ATF6: variants seen among roughly 807,000 people sequenced by gnomAD.
ATF6 encodes cyclic AMP-dependent transcription factor ATF-6 alpha.
Under a neutral mutation model 83.6 loss-of-function variants are expected in ATF6, and 53 were observed. The ratio of observed to expected loss-of-function variants is 0.63; its 90% CI spans 0.51 to 0.80. The LOEUF is 0.80. ATF6 is among the 30% of genes least tolerant of loss of function. ATF6 has a pLI of 0.00. For synonymous variants in ATF6, 288 were observed against 285.8 expected (o/e 1.01, Z -0.08); for missense variants, 744 against 797.9 (o/e 0.93, Z 0.81).
chr1:161,799,627 A>G (rs912471877), intron 6 of ATF6, among the ~76,000 whole-genome samples: 1 of 152,196 alleles, frequency 6.6e-6, no homozygotes, highest in Non-Finnish European at 1.5e-5. Flanking sequence ...GGAAAACGAG[A>G]AGGTAAAAAT....
At chr1:161,808,519 A>C (rs1685360535) in intron 7 of ATF6, among the ~76,000 whole-genome samples, 1 of 152,074 alleles carries the variant, frequency 6.6e-6, no homozygotes, top group Admixed American at 6.5e-5. Flanking sequence ...TACCTTAGAG[A>C]TCTGTTCAGA....
intron 1 of ATF6, among the ~76,000 whole-genome samples, chr1:161,775,559 G>A (rs1684496149): frequency 6.6e-6 from 1 of 152,006 alleles, no homozygotes; most frequent in South Asian, 2.1e-4. Context: ...TTTGGTGGTT[G>A]GTAAACCGCT....
chr1:161,806,449 C>A (rs1364650508), intron 7 of ATF6, among the ~76,000 whole-genome samples: 1 of 152,178 alleles, frequency 6.6e-6, no homozygotes, highest in African/African-American at 2.4e-5. Context: ...TAAAATTCTA[C>A]ATCTTCCACA....
intron 15 of ATF6, among the ~76,000 whole-genome samples, chr1:161,915,929 G>C (rs1041894580): frequency 6.6e-6 from 1 of 152,068 alleles, no homozygotes; most frequent in Admixed American, 6.6e-5. Flanking sequence ...AGCCCAAAAT[G>C]TCTTAATATT....
intron 15 of ATF6, among the ~76,000 whole-genome samples, chr1:161,942,849 TTTTGTTTG>T (rs146891452): frequency 6.6e-6 from 1 of 151,608 alleles, no homozygotes; most frequent in African/African-American, 2.4e-5. Flanking sequence ...CCTCATCTTT[TTTTGTTTG>T]TTTGTTTGTT....
chr1:161,910,924 GA>G (rs1687980032), intron 14 of ATF6, among the ~76,000 whole-genome samples: 1 of 152,114 alleles, frequency 6.6e-6, no homozygotes, highest in Non-Finnish European at 1.5e-5. Flanking sequence ...TGTTCTCATG[GA>G]AATGTTGCCT....
At chr1:161,914,553 C>T (rs762370673) in intron 15 of ATF6, among the ~76,000 whole-genome samples, 5 of 152,152 alleles carry the variant, frequency 3.3e-5, no homozygotes, top group Admixed American at 1.3e-4. Flanking sequence ...GCCTCCCATC[C>T]ATATGGTCAT....
intron 15 of ATF6, among the ~76,000 whole-genome samples, chr1:161,954,390 C>T (rs1281649875): frequency 6.6e-6 from 1 of 152,178 alleles, no homozygotes; most frequent in African/African-American, 2.4e-5. Flanking sequence ...AGCAGCACTA[C>T]CTGTCACCAG....
intron 14 of ATF6, among the ~76,000 whole-genome samples, chr1:161,865,808 T>A (rs940217130): frequency 6.6e-6 from 1 of 152,220 alleles, no homozygotes; most frequent in African/African-American, 2.4e-5. Flanking sequence ...ACATCCTTTT[T>A]ATTTTTTTTG....
intron 15 of ATF6, among the ~76,000 whole-genome samples, chr1:161,947,388 G>A (rs187486852): frequency 6.6e-6 from 1 of 152,224 alleles, no homozygotes; most frequent in Non-Finnish European, 1.5e-5. Context: ...GATAACAAGG[G>A]TGGAGGATTT....
intron 1 of ATF6, among the ~76,000 whole-genome samples, chr1:161,774,406 T>TACACACAC (rs60069049): frequency 2.0e-5 from 3 of 148,536 alleles, no homozygotes; most frequent in South Asian, 4.3e-4. Context: ...TATGGATATG[T>TACACACAC]ACACACACAC....
At chr1:161,839,836 C>T (rs1686312020) in intron 9 of ATF6, among the ~76,000 whole-genome samples, 1 of 152,012 alleles carries the variant, frequency 6.6e-6, no homozygotes. Context: ...CTTGCATGTT[C>T]AAGGAAAAAC....
intron 4 of ATF6, among the ~76,000 whole-genome samples, chr1:161,789,443 TTTA>T (rs1465935802): frequency 6.6e-6 from 1 of 151,866 alleles, no homozygotes; most frequent in Non-Finnish European, 1.5e-5. Context: ...GCTTGAAATA[TTTA>T]TTTTTTATTA....
At chr1:161,811,285 A>G (rs1685449106) in intron 7 of ATF6, among the ~76,000 whole-genome samples, 1 of 152,360 alleles carries the variant, frequency 6.6e-6, no homozygotes, top group South Asian at 2.1e-4. Flanking sequence ...TAACTATGTG[A>G]AAGAATATTA....
At position 161,851,821 on chromosome 1, in the gene ATF6, A is replaced by G; in HGVS notation, c.1419A>G (p.Thr473=). 1 of 1,612,622 alleles carries G rather than the reference A, an allele frequency of 6.2e-7. No individual in the cohort carries two copies. The highest frequency in any genetic ancestry group is 8.5e-7 in the Non-Finnish European group (1 of 1,178,710). The change falls in exon 11 of 16, where the codon ACA becomes ACG. Residue 473 remains threonine, a synonymous_variant. Transcript: ENST00000367942. ...CTCCTTGTCAGCCCCTAATTAACAC[A>G]ACAGAGTCTCTCAGGTGAGTGTTGT... ...PPPPCQPLIN[T]TESLRLNHEL...
intron 7 of ATF6, among the ~76,000 whole-genome samples, chr1:161,810,859 T>C (rs1012799296): frequency 2.6e-5 from 4 of 152,216 alleles, no homozygotes; most frequent in Admixed American, 6.5e-5. Flanking sequence ...AATCATACAC[T>C]ATGTGCCCTT....
intron 10 of ATF6, among the ~76,000 whole-genome samples, chr1:161,850,343 C>A (rs2101823945): frequency 6.6e-6 from 1 of 152,100 alleles, no homozygotes; most frequent in South Asian, 2.1e-4. Context: ...GTTCTTTGAG[C>A]CCACCTTTCC....
intron 7 of ATF6, among the ~76,000 whole-genome samples, chr1:161,805,865 T>C (rs1685266847): frequency 6.6e-6 from 1 of 152,126 alleles, no homozygotes; most frequent in South Asian, 2.1e-4. Flanking sequence ...TGACATGGCT[T>C]CTTTTTCTAC....
intron 14 of ATF6, among the ~76,000 whole-genome samples, chr1:161,904,803 T>C (rs1687851747): frequency 1.3e-5 from 2 of 152,324 alleles, no homozygotes; most frequent in South Asian, 4.1e-4. Context: ...TAACTAGGAT[T>C]GCAGCTGGCA....
Sources: gnomAD v4.1 joint callset for allele counts (sites outside exome capture counted in the v4.1 genomes callset) on GRCh38, gnomAD v4.1.1 for gene constraint, MANE v1.5 for transcripts, NCBI Gene and HGNC (gene_info 2026-07-23, HGNC 2026-07-21) for gene names.